Variants in RPTOR observed in about 807,000 individuals in gnomAD.
RPTOR encodes regulatory-associated protein of mTOR.
A neutral mutation model predicts 169.9 loss-of-function variants in RPTOR; 21 were observed. The ratio of observed to expected loss-of-function variants is 0.12; its 90% CI spans 0.09 to 0.18. The LOEUF (loss-of-function observed/expected upper bound fraction) is 0.18. RPTOR is among the 10% of genes least tolerant of loss of function. RPTOR has a pLI of 1.00. For synonymous variants in RPTOR, 732 were observed against 753.2 expected (o/e 0.97, Z 0.46); for missense variants, 1,133 against 1,855.9 (o/e 0.61, Z 7.16).
chr17:80,663,103 C>T (rs1164089685), intron 3 of RPTOR, among the ~76,000 whole-genome samples: 2 of 152,192 alleles, frequency 1.3e-5, no homozygotes, highest in Non-Finnish European at 2.9e-5. Flanking sequence ...TGGCCTCGTT[C>T]ACTCAGGGTG....
In RPTOR at chr17:80,651,885, G is replaced by A. The variant is rs1222718922; in HGVS notation, c.348+8075G>A. Among the ~76,000 whole-genome samples, 1 of 152,214 alleles carries A rather than the reference G, an allele frequency of 6.6e-6. No homozygotes were observed. The highest frequency in any genetic ancestry group is 1.9e-4 in the East Asian group (1 of 5,196). On this transcript the variant is annotated intron_variant, in intron 3 of 33. Transcript: ENST00000306801. This position sits in a 1 kb window ranked among gnomAD's most constrained non-coding sequence, Gnocchi z 4.1. ...CCGGGCGCAGTGGCAGGTGCCTACT[G>A]TAGTCCCAGTTACTCAGGAGGCTGA...
chr17:80,552,054 A>G (rs945067054), intron 1 of RPTOR, among the ~76,000 whole-genome samples: 3 of 152,240 alleles, frequency 2.0e-5, no homozygotes, highest in Admixed American at 6.5e-5. Flanking sequence ...GGGTAAGGTC[A>G]TAGATTAACA....
At chr17:80,731,440 T>G (rs1429394229) in intron 5 of RPTOR, among the ~76,000 whole-genome samples, 2 of 151,810 alleles carry the variant, frequency 1.3e-5, no homozygotes, top group East Asian at 1.9e-4. Context: ...TAAGCTAAAA[T>G]GATAGAAAAC....
At chr17:80,893,593 T>G in intron 19 of RPTOR, 114 bp from the exon 20 acceptor site, 7 of 1,374,536 alleles carry the variant, frequency 5.1e-6, no homozygotes, top group Non-Finnish European at 6.9e-6. Context: ...TGTTTGTGCC[T>G]GGGTGTGCTG....
intron 9 of RPTOR, among the ~76,000 whole-genome samples, chr17:80,834,061 TTAAATAAA>T (rs376626332): frequency 6.6e-6 from 1 of 152,312 alleles, no homozygotes; most frequent in South Asian, 2.1e-4. Context: ...TGTAATTTGG[TTAAATAAA>T]TAAATAAATA....
intron 7 of RPTOR, among the ~76,000 whole-genome samples, chr17:80,807,959 T>G (rs909138341): frequency 5.3e-5 from 8 of 152,092 alleles, no homozygotes; most frequent in African/African-American, 9.7e-5. Flanking sequence ...TGGGCCATAG[T>G]TTTGGTGACC....
At chr17:80,927,872 C>A (rs1051370445) in intron 24 of RPTOR, among the ~76,000 whole-genome samples, 1 of 151,898 alleles carries the variant, frequency 6.6e-6, no homozygotes, top group Admixed American at 6.6e-5. Flanking sequence ...AATTCCCGCC[C>A]GCACGGAGGA....
At chr17:80,758,246 G>GTGTTCCCAGA (rs1434257238) in intron 6 of RPTOR, among the ~76,000 whole-genome samples, 1 of 152,214 alleles carries the variant, frequency 6.6e-6, no homozygotes, top group Non-Finnish European at 1.5e-5. Flanking sequence ...AAGGGCTGTT[G>GTGTTCCCAGA]TGTTCCCAGA....
At chr17:80,768,723 C>T (rs981597934) in intron 6 of RPTOR, among the ~76,000 whole-genome samples, 9 of 152,190 alleles carry the variant, frequency 5.9e-5, no homozygotes, top group Non-Finnish European at 1.3e-4. Context: ...ATCCCCATCA[C>T]ACGGTGACAT....
At chr17:80,663,511 G>A (rs1179342368) in intron 3 of RPTOR, among the ~76,000 whole-genome samples, 1 of 152,174 alleles carries the variant, frequency 6.6e-6, no homozygotes, top group African/African-American at 2.4e-5. Context: ...GTATTTGGTT[G>A]TCTTTGAATG....
chr17:80,836,654 TA>T (rs1239064408), intron 9 of RPTOR, among the ~76,000 whole-genome samples: 1 of 151,684 alleles, frequency 6.6e-6, no homozygotes. Flanking sequence ...CAGAAAGGCT[TA>T]GGGGGGCTGT....
At position 80,859,048 on chromosome 17, in the gene RPTOR, G is replaced by A. The variant is rs553924642; in HGVS notation, c.1509+1148G>A. Among the ~76,000 whole-genome samples, 23 of 152,294 alleles carry A rather than the reference G, an allele frequency of 1.5e-4. No homozygotes were observed. In the South Asian group the frequency reaches 4.1e-3, roughly 27 times the overall value. On this transcript the variant is annotated intron_variant, in intron 13 of 33. Transcript: ENST00000306801. ...GGTCGGGCTGCAGGGCTGGGAGGGCGGCACCAAGCCTGGGTTGGGAGAGGC... is the reference window on the plus strand; with the variant it reads ...GGTCGGGCTGCAGGGCTGGGAGGGCAGCACCAAGCCTGGGTTGGGAGAGGC...
rs536728453 is a variant in RPTOR at position 80,615,213 on chromosome 17, A to G, written c.163-10478A>G. On this transcript the variant is annotated intron_variant, in intron 1 of 33. Transcript: ENST00000306801. Reference sequence around the variant, plus strand: ...AGGGGGCTTCTGTAGCTGCTGAGCAACTGAGACAGTGGAGGAGTCCTAGAA... The same window carrying G: ...AGGGGGCTTCTGTAGCTGCTGAGCAGCTGAGACAGTGGAGGAGTCCTAGAA... Among the ~76,000 whole-genome samples the G allele has an allele frequency of 2.6e-5, 4 of 152,300 alleles. No homozygotes were observed. The South Asian group carries it at 6.2e-4, about 24-fold the overall frequency.
intron 1 of RPTOR, among the ~76,000 whole-genome samples, chr17:80,615,699 A>T (rs1400370401): frequency 6.6e-6 from 1 of 152,010 alleles, no homozygotes; most frequent in African/African-American, 2.4e-5. Context: ...CTCTTGCCAC[A>T]CCTAGCTCAG....
Position 80,754,015 on chromosome 17 carries a change from T to C in RPTOR, c.660T>C (p.Ala220=). The C allele has an allele frequency of 6.2e-7, 1 of 1,612,656 alleles. No homozygotes were observed. Among genetic ancestry groups the C allele is most frequent in the Non-Finnish European group, 8.5e-7 (1 of 1,178,792 alleles). Residue 220 remains alanine, a synonymous_variant, in exon 6 of 34, where the codon GCT becomes GCC. Coordinates refer to ENST00000306801, the MANE Select transcript of RPTOR (RefSeq NM_020761.3). This position sits in a 1 kb window ranked among gnomAD's most constrained non-coding sequence, Gnocchi z 4.2. ...ALQREQELEV[A]AINPNHPLAQ... ...CCGAATGTTCTGCCCTTCAGGTAGCTGCAATCAACCCAAATCACCCTCTTG... is the reference window on the plus strand; with the variant it reads ...CCGAATGTTCTGCCCTTCAGGTAGCCGCAATCAACCCAAATCACCCTCTTG...
chr17:80,584,278 T>TG (rs1270994820), intron 1 of RPTOR, among the ~76,000 whole-genome samples: 1 of 152,092 alleles, frequency 6.6e-6, no homozygotes, highest in Non-Finnish European at 1.5e-5. Context: ...ACTAGTCACC[T>TG]GGGGGTTTCA....
intron 4 of RPTOR, among the ~76,000 whole-genome samples, chr17:80,720,688 C>T (rs760918118): frequency 2.0e-5 from 3 of 152,226 alleles, no homozygotes; most frequent in African/African-American, 7.2e-5. Flanking sequence ...TTTAAAACCA[C>T]GGTCATAGCG....
Position 80,803,930 on chromosome 17 carries a change from C to T in RPTOR, c.890+12421C>T, listed in dbSNP as rs555381637. On this transcript the variant is annotated intron_variant, in intron 7 of 33. Coordinates refer to ENST00000306801, the MANE Select transcript of RPTOR (RefSeq NM_020761.3). The surrounding 1 kb of genome is among the most constrained non-coding windows in gnomAD (Gnocchi z 6.2). ...CCGGGACCAGGGGCAGCGTTCCAGA[C>T]GGGGAGCCCCACAGCCTCTGAGCCA... is the stretch of plus-strand genomic sequence containing the variant. 6.6e-5 allele frequency among the ~76,000 whole-genome samples: 10 copies of T among 152,290 alleles called. No homozygotes were observed. In the East Asian group the frequency reaches 1.7e-3, roughly 27 times the overall value.
rs1019963392 is a variant in RPTOR at position 80,740,794 on chromosome 17, C to T, written c.654+10088C>T. Reference sequence around the variant, plus strand: ...TGATTTTTTAAAAAATCTGTAAAAACCTAACAGCCGTCCTTTTACTTACTG... The same window carrying T: ...TGATTTTTTAAAAAATCTGTAAAAATCTAACAGCCGTCCTTTTACTTACTG... On this transcript the variant is annotated intron_variant, in intron 5 of 33. Transcript: ENST00000306801. Among the ~76,000 whole-genome samples the T allele has an allele frequency of 2.0e-5, 3 of 151,982 alleles. No individual in the cohort carries two copies. The South Asian group carries it at 6.2e-4, about 31-fold the overall frequency.
Sources: gnomAD v4.1 joint callset for allele counts (sites outside exome capture counted in the v4.1 genomes callset) on GRCh38, gnomAD v4.1.1 for gene constraint, Gnocchi (gnomAD v3.1) non-coding constraint, MANE v1.5 for transcripts, NCBI Gene and HGNC (gene_info 2026-07-23, HGNC 2026-07-21) for gene names.